Variants in CACHD1 observed in about 807,000 individuals in gnomAD.
CACHD1 encodes the protein VWFA and cache domain-containing protein 1.
In CACHD1, 71 loss-of-function variants were observed where a neutral mutation model predicts 138.7. The ratio of observed to expected loss-of-function variants is 0.51; its 90% CI spans 0.42 to 0.62. The LOEUF is 0.62. Among genes scored for constraint, CACHD1 ranks in the 20% least tolerant of loss-of-function variants. CACHD1 has a pLI of 0.00. For missense variants in CACHD1, 1,389 were observed against 1,625.3 expected (o/e 0.85, Z 2.50); for synonymous variants, 578 against 591.5 (o/e 0.98, Z 0.33).
At chr1:64,643,898 C>T (rs1174914675) in intron 8 of CACHD1, among the ~76,000 whole-genome samples, 2 of 152,230 alleles carry the variant, frequency 1.3e-5, no homozygotes, top group African/African-American at 2.4e-5. Context: ...CTGTCTCAGA[C>T]AGTATAGCTC....
intron 4 of CACHD1, among the ~76,000 whole-genome samples, chr1:64,617,838 G>A (rs1647766471): frequency 6.6e-6 from 1 of 152,166 alleles, no homozygotes; most frequent in Admixed American, 6.5e-5. Context: ...CAATACTTTG[G>A]GAGACCAAGG....
intron 2 of CACHD1, among the ~76,000 whole-genome samples, chr1:64,576,170 G>C (rs1646965931): frequency 6.6e-6 from 1 of 152,178 alleles, no homozygotes; most frequent in African/African-American, 2.4e-5. Flanking sequence ...GAAGGGGAAA[G>C]GATAAAGAAG....
chr1:64,547,346 G>T (rs1646725589), intron 1 of CACHD1, among the ~76,000 whole-genome samples: 1 of 152,108 alleles, frequency 6.6e-6, no homozygotes, highest in African/African-American at 2.4e-5. Context: ...ACACACATAA[G>T]CCTGAACTTT....
At chr1:64,663,575 G>GAAA in intron 13 of CACHD1, 120 bp from the exon 14 acceptor site, 7 of 1,194,092 alleles carry the variant, frequency 5.9e-6, no homozygotes, top group Non-Finnish European at 8.1e-6. Flanking sequence ...AGAAAAAAAG[G>GAAA]AAAAAAAAAG....
rs571663857 is a variant in CACHD1 at position 64,631,758 on chromosome 1, GC to G, written c.645-836del. ...TGGGAGGCATTTCTCCTTTGTGGCT[GC>G]CCCCAACCCCCTTTTTTTCAATGTT... On this transcript the variant is annotated intron_variant, in intron 5 of 26. Transcript: ENST00000651257. Among the ~76,000 whole-genome samples the G allele has an allele frequency of 2.2e-3, 338 of 152,204 alleles. 2 individuals are homozygous for G. Among genetic ancestry groups the G allele is most frequent in the African/African-American group, 7.6e-3 (316 of 41,524 alleles).
intron 14 of CACHD1, 54 bp from the exon 15 acceptor site, chr1:64,664,444 C>G (rs1301524822): frequency 6.5e-7 from 1 of 1,550,210 alleles, no homozygotes; most frequent in Non-Finnish European, 8.9e-7. Context: ...GCAGCCCACT[C>G]TCTTTTCATG....
chr1:64,609,933 A>G (rs1239498940), intron 4 of CACHD1, among the ~76,000 whole-genome samples: 1 of 152,220 alleles, frequency 6.6e-6, no homozygotes, highest in Non-Finnish European at 1.5e-5. Context: ...AAGAGGTTTA[A>G]TTGACTCACA....
intron 1 of CACHD1, among the ~76,000 whole-genome samples, chr1:64,549,231 T>TAATG (rs1646740900): frequency 6.6e-6 from 1 of 152,174 alleles, no homozygotes; most frequent in South Asian, 2.1e-4. Context: ...TAAATAAATG[T>TAATG]AATGTGCTTA....
At chr1:64,511,939 A>C (rs1478576196) in intron 1 of CACHD1, among the ~76,000 whole-genome samples, 2 of 152,242 alleles carry the variant, frequency 1.3e-5, no homozygotes, top group African/African-American at 4.8e-5. Flanking sequence ...GATGAGATAA[A>C]GCATTTGGCA....
At position 64,628,730 on chromosome 1, in the gene CACHD1, G is replaced by A. The variant is rs546212435; in HGVS notation, c.518-625G>A. ...ATAAATCACTTAAGCATATTTTCTCGACTCCAAAGTAGTGATAACAATACC... is the reference window on the plus strand; with the variant it reads ...ATAAATCACTTAAGCATATTTTCTCAACTCCAAAGTAGTGATAACAATACC... On this transcript the variant is annotated intron_variant, in intron 4 of 26. Coordinates refer to ENST00000651257, the MANE Select transcript of CACHD1 (RefSeq NM_020925.4). Among the ~76,000 whole-genome samples the A allele has an allele frequency of 1.4e-4, 21 of 152,232 alleles. 1 individual carries two copies. In the South Asian group the frequency reaches 3.3e-3, roughly 24 times the overall value.
chr1:64,661,017 C>T (rs979357743), intron 13 of CACHD1, among the ~76,000 whole-genome samples: 1 of 152,036 alleles, frequency 6.6e-6, no homozygotes, highest in African/African-American at 2.4e-5. Flanking sequence ...GTCTTGGCAC[C>T]CTTCCTCACC....
At chr1:64,632,499 G>A (rs2100640800) in intron 5 of CACHD1, 100 bp from the exon 6 acceptor site, 1 of 1,250,798 alleles carries the variant, frequency 8.0e-7, no homozygotes, top group Admixed American at 1.9e-5. Flanking sequence ...GGAGAACACA[G>A]AGACCAACAT....
At position 64,507,097 on chromosome 1, in the gene CACHD1, C is replaced by A. The variant is rs561774694; in HGVS notation, c.198+36155C>A. 1.4e-4 allele frequency among the ~76,000 whole-genome samples: 22 copies of A among 152,320 alleles called. No individual in the cohort carries two copies. In the South Asian group the frequency reaches 1.7e-3, roughly 11 times the overall value. On this transcript the variant is annotated intron_variant, in intron 1 of 26. Coordinates refer to ENST00000651257, the MANE Select transcript of CACHD1 (RefSeq NM_020925.4). ...AAAAAGGCCTTGGAAGTTCATGACT[C>A]GTAAATTAGTATGTGTTTCACACAT...
intron 7 of CACHD1, among the ~76,000 whole-genome samples, chr1:64,635,759 G>A (rs1648503860): frequency 1.3e-5 from 2 of 151,978 alleles, no homozygotes; most frequent in Admixed American, 1.3e-4. Context: ...ATTTGAAATG[G>A]GGCTCATGCT....
At chr1:64,679,084 C>T (rs1344538680) in intron 23 of CACHD1, among the ~76,000 whole-genome samples, 1 of 152,192 alleles carries the variant, frequency 6.6e-6, no homozygotes, top group Non-Finnish European at 1.5e-5. Flanking sequence ...GTGAAAGTGA[C>T]TTGGCTCTGA....
chr1:64,550,335 C>A (rs994940012), intron 1 of CACHD1, among the ~76,000 whole-genome samples: 5 of 152,102 alleles, frequency 3.3e-5, no homozygotes, highest in African/African-American at 1.2e-4. Context: ...CTCCAGAAAT[C>A]TATAATTAAA....
At chr1:64,527,488 GT>G (rs1207665396) in intron 1 of CACHD1, among the ~76,000 whole-genome samples, 1 of 152,160 alleles carries the variant, frequency 6.6e-6, no homozygotes, top group African/African-American at 2.4e-5. Flanking sequence ...CTCTCACGCG[GT>G]CCTGTTGTGA....
At chr1:64,615,371 A>C (rs2100604214) in intron 4 of CACHD1, among the ~76,000 whole-genome samples, 1 of 152,238 alleles carries the variant, frequency 6.6e-6, no homozygotes, top group Middle Eastern at 3.4e-3. Flanking sequence ...GCCTCTGCCA[A>C]CCCCAGGACT....
chr1:64,477,623 TATTTTATTTTA>T (rs1646182482), intron 1 of CACHD1, among the ~76,000 whole-genome samples: 3 of 141,074 alleles, frequency 2.1e-5, no homozygotes, highest in African/African-American at 8.5e-5. Context: ...TTATTATTAT[TATTTTATTTTA>T]TTTTTTTTTT....
Sources: allele counts gnomAD v4.1 joint callset (sites outside exome capture counted in the v4.1 genomes callset), GRCh38; gene constraint gnomAD v4.1.1; transcripts MANE v1.5; gene names NCBI Gene and HGNC (gene_info 2026-07-23, HGNC 2026-07-21).